RALGAPA1: variants seen among roughly 807,000 people sequenced by gnomAD.
RALGAPA1 encodes ral GTPase-activating protein subunit alpha-1.
Under a neutral mutation model 269.6 loss-of-function variants are expected in RALGAPA1, and 52 were observed. That is an observed-to-expected ratio of 0.19 (90% confidence interval 0.15 to 0.24). The LOEUF (loss-of-function observed/expected upper bound fraction) is 0.24, where lower values mean the gene tolerates loss of function less well. Among genes scored for constraint, RALGAPA1 ranks in the 10% least tolerant of loss-of-function variants. The probability of loss-of-function intolerance (pLI) is 1.00; values close to 1 mark genes in which losing one functional copy is unlikely to be tolerated. For synonymous variants in RALGAPA1, 817 were observed against 1,008.3 expected, an observed-to-expected ratio of 0.81 and a Z score of 3.60; for missense variants, 1,917 against 3,013.9, an observed-to-expected ratio of 0.64 and a Z score of 8.52.
chr14:35,628,777 C>T (rs190499541), intron 33 of RALGAPA1, among the ~76,000 whole-genome samples: 37 of 152,246 alleles, frequency 2.4e-4, no homozygotes, highest in African/African-American at 8.4e-4. Context: ...AGGTATTCTT[C>T]AGGTCAATGT....
chr14:35,703,814 C>T (rs559265221), intron 16 of RALGAPA1, among the ~76,000 whole-genome samples: 6 of 151,814 alleles, frequency 4.0e-5, no homozygotes, highest in Admixed American at 1.3e-4. Context: ...TTTCAAATTA[C>T]GAGCATGACA....
At chr14:35,615,930 T>C (rs537345126) in intron 35 of RALGAPA1, among the ~76,000 whole-genome samples, 1 of 152,210 alleles carries the variant, frequency 6.6e-6, no homozygotes, top group Admixed American at 6.5e-5. Context: ...AGAAAGATTA[T>C]GTTAGTGGTC....
At chr14:35,767,690 A>G (rs1443462581) in intron 4 of RALGAPA1, among the ~76,000 whole-genome samples, 1 of 152,340 alleles carries the variant, frequency 6.6e-6, no homozygotes. Context: ...TCCATCTCAA[A>G]AAAACAAACA....
intron 36 of RALGAPA1, among the ~76,000 whole-genome samples, chr14:35,597,431 T>C (rs925137285): frequency 9.2e-5 from 14 of 152,198 alleles, no homozygotes; most frequent in Admixed American, 7.2e-4. Flanking sequence ...TCTCTGATAA[T>C]GTAAAGGAGA....
chr14:35,766,495 C>A, intron 4 of RALGAPA1: 1 of 1,345,594 alleles, frequency 7.4e-7, no homozygotes, highest in Non-Finnish European at 1.1e-6. Context: ...TCTCACATTA[C>A]TTATTCAATT....
chr14:35,634,509 T>C (rs2061549160), intron 33 of RALGAPA1, 65 bp downstream of exon 33: 5 of 1,317,042 alleles, frequency 3.8e-6, no homozygotes, highest in Non-Finnish European at 5.1e-6. Flanking sequence ...TTTCCACCCA[T>C]GGCCTCAAGT....
intron 16 of RALGAPA1, chr14:35,707,705 G>A (rs2067929142): frequency 6.6e-6 from 1 of 152,120 alleles, no homozygotes; most frequent in African/African-American, 2.4e-5. Flanking sequence ...TAAATATTCA[G>A]TAGACTTCAC....
At position 35,738,573 on chromosome 14, in the gene RALGAPA1, A is replaced by T. The variant is rs200986328; in HGVS notation, c.1527T>A (p.His509Gln). Reference protein sequence around the residue: ...AKNGSYQGALHNASEEATEQN... With the variant: ...AKNGSYQGALQNASEEATEQN... ...GTTCTGTGGCTTCTTCAGAGGCGTT[A>T]TGAAGAGCACCTTGGTAGGAGCCGT... Residue 509 changes from histidine (H) to glutamine (Q), a missense_variant, in exon 12 of 42, where the codon CAT (histidine) becomes CAA (glutamine). Around this residue, in one of 11 missense-constraint regions of RALGAPA1, gnomAD observed 462 missense variants for 725.6 expected, o/e 0.64. Coordinates refer to ENST00000680220, the MANE Select transcript of RALGAPA1 (RefSeq NM_001346249.2). 6.2e-7 allele frequency: 1 copy of T among 1,613,678 alleles called. No individual in the cohort carries two copies. The highest frequency in any genetic ancestry group is 1.3e-5 in the African/African-American group (1 of 75,028).
intron 16 of RALGAPA1, among the ~76,000 whole-genome samples, chr14:35,701,871 A>T (rs79625996): frequency 7.6e-4 from 116 of 151,866 alleles, no homozygotes; most frequent in African/African-American, 2.6e-3. Flanking sequence ...CTGGTGTCGA[A>T]CTCCTGTGCT....
At chr14:35,714,272 T>C (rs1488526327) in intron 16 of RALGAPA1, among the ~76,000 whole-genome samples, 1 of 152,082 alleles carries the variant, frequency 6.6e-6, no homozygotes, top group Non-Finnish European at 1.5e-5. Context: ...GACTCCAATT[T>C]CTCCACATCC....
At chr14:35,610,545 G>A (rs2059868707) in intron 35 of RALGAPA1, among the ~76,000 whole-genome samples, 2 of 152,246 alleles carry the variant, frequency 1.3e-5, no homozygotes, top group East Asian at 3.9e-4. Context: ...GTCTCCCAAA[G>A]TGCTGGGATT....
chr14:35,787,773 G>A (rs1251466686), intron 1 of RALGAPA1, among the ~76,000 whole-genome samples: 3 of 151,466 alleles, frequency 2.0e-5, no homozygotes, highest in African/African-American at 4.9e-5. Context: ...TAGAGATGGG[G>A]GTCTCACTAT....
At chr14:35,631,187 T>C (rs553285293) in intron 33 of RALGAPA1, among the ~76,000 whole-genome samples, 1 of 152,294 alleles carries the variant, frequency 6.6e-6, no homozygotes, top group African/African-American at 2.4e-5. Flanking sequence ...TGAGGACAAA[T>C]GGGTTCGCAA....
chr14:35,725,829 G>A (rs1236879132), intron 13 of RALGAPA1, among the ~76,000 whole-genome samples: 2 of 152,018 alleles, frequency 1.3e-5, no homozygotes, highest in African/African-American at 4.8e-5. Flanking sequence ...AATTAATCAA[G>A]GGCCATTACT....
chr14:35,771,991 T>C (rs779278558), intron 3 of RALGAPA1, among the ~76,000 whole-genome samples: 19 of 152,348 alleles, frequency 1.2e-4, no homozygotes, highest in Non-Finnish European at 1.9e-4. Context: ...CCATCAAATA[T>C]TTATACTGAG....
intron 6 of RALGAPA1, 57 bp downstream of exon 6, chr14:35,760,772 T>A (rs2073628731): frequency 6.2e-6 from 8 of 1,299,948 alleles, no homozygotes; most frequent in Non-Finnish European, 7.6e-6. Flanking sequence ...AAAAATACAC[T>A]AAGAGACTAC....
chr14:35,791,602 T>C (rs2076172264), intron 1 of RALGAPA1, among the ~76,000 whole-genome samples: 2 of 150,250 alleles, frequency 1.3e-5, no homozygotes, highest in South Asian at 2.1e-4. Context: ...AGCGAAACTC[T>C]GTCTCAAAAA....
Position 35,688,606 on chromosome 14 carries a change from G to A in RALGAPA1, c.3805C>T (p.Leu1269=). 1 of 1,535,498 alleles carries A rather than the reference G, an allele frequency of 6.5e-7. No individual in the cohort carries two copies. Residue 1269 remains leucine, a synonymous_variant, in exon 18 of 42, where the codon CTG becomes TTG. Coordinates refer to ENST00000680220, the MANE Select transcript of RALGAPA1 (RefSeq NM_001346249.2). ...SHEAGLQQGS[L]GGVYKTVVHA... ...ACAACAGTTTTATAAACGCCACCCA[G>A]GGAGCCCTGCTGTAGTCCTGCCTCA... is the stretch of plus-strand genomic sequence containing the variant.
At chr14:35,599,880 A>G (rs1365063067) in intron 36 of RALGAPA1, among the ~76,000 whole-genome samples, 2 of 152,186 alleles carry the variant, frequency 1.3e-5, no homozygotes, top group South Asian at 4.1e-4. Flanking sequence ...CCCCCCACAG[A>G]TAAGGTACAC....
Sources: allele counts gnomAD v4.1 joint callset (sites outside exome capture counted in the v4.1 genomes callset), GRCh38; gene constraint gnomAD v4.1.1; regional missense constraint gnomAD v4.1.1; transcripts MANE v1.5; gene names NCBI Gene and HGNC (gene_info 2026-07-23, HGNC 2026-07-21).